Variants in PRDM5 observed in about 807,000 individuals in gnomAD.
The protein encoded by PRDM5 is PR/SET domain 5.
PRDM5 carries 56 observed loss-of-function variants against 81.2 expected under a neutral mutation model. That is an observed-to-expected ratio of 0.69 (90% CI 0.56 to 0.86). The LOEUF (loss-of-function observed/expected upper bound fraction) is 0.86. Ranked by LOEUF, PRDM5 falls within the 40% of genes least tolerant of loss-of-function variation. The pLI is 0.00. For synonymous variants in PRDM5, 267 were observed against 256.4 expected, an observed-to-expected ratio of 1.04 and a Z score of -0.39; for missense variants, 697 against 770.1, an observed-to-expected ratio of 0.91 and a Z score of 1.12.
chr4:120,791,899 A>T (rs1313153981), intron 10 of PRDM5, among the ~76,000 whole-genome samples: 2 of 152,234 alleles, frequency 1.3e-5, no homozygotes, highest in African/African-American at 2.4e-5. Flanking sequence ...TCATGTGAGG[A>T]TACAAGAAGA....
chr4:120,795,336 T>A (rs1751192251), intron 10 of PRDM5, among the ~76,000 whole-genome samples: 1 of 152,138 alleles, frequency 6.6e-6, no homozygotes, highest in Non-Finnish European at 1.5e-5. Flanking sequence ...GCATTATATA[T>A]GACAGGGAAC....
chr4:120,849,078 A>T (rs1758972475), intron 3 of PRDM5, among the ~76,000 whole-genome samples: 1 of 152,220 alleles, frequency 6.6e-6, no homozygotes, highest in Admixed American at 6.5e-5. Flanking sequence ...CATTTTGCAC[A>T]TAAGTAATAA....
rs373067693 is a variant in PRDM5, at chr4:120,870,648, T to G, written c.178-17108A>C. Among the ~76,000 whole-genome samples, 3 of 152,244 alleles carry G rather than the reference T, an allele frequency of 2.0e-5. No homozygotes were observed. In the East Asian group the frequency reaches 5.8e-4, roughly 30 times the overall value. The stretch of plus-strand genomic sequence containing the variant: ...AAGAGGAAAGGCACATGTGTGAGTG[T>G]GAATTAAACGTGAAGCTGTAAAGAG... On this transcript the variant is annotated intron_variant, in intron 2 of 15. Coordinates refer to ENST00000264808, the MANE Select transcript of PRDM5 (RefSeq NM_018699.4).
At chr4:120,711,020 T>G (rs191074063) in intron 14 of PRDM5, among the ~76,000 whole-genome samples, 1 of 152,180 alleles carries the variant, frequency 6.6e-6, no homozygotes, top group East Asian at 1.9e-4. Flanking sequence ...TGTGCTACAT[T>G]TCCTCCAATG....
In PRDM5 at chr4:120,903,519, T is replaced by G. The variant is rs188145337; in HGVS notation, c.177+3955A>C. Among the ~76,000 whole-genome samples, 74 of 152,308 alleles carry G rather than the reference T, an allele frequency of 4.9e-4. 1 individual carries two copies. The East Asian group carries it at 0.013, about 27-fold the overall frequency. ...CAATAACTCTGCAATTCTAAAAGTG[T>G]TGTTCTTGAAATGTTCCCTCTAGAA... On this transcript the variant is annotated intron_variant, in intron 2 of 15. Transcript: ENST00000264808.
chr4:120,750,539 C>G (rs1050330178), intron 14 of PRDM5, among the ~76,000 whole-genome samples: 2 of 152,138 alleles, frequency 1.3e-5, no homozygotes, highest in African/African-American at 4.8e-5. Flanking sequence ...AAGCTTACAG[C>G]AACAACAAAC....
downstream of PRDM5, among the ~76,000 whole-genome samples, chr4:120,687,717 A>C (rs1285126366): frequency 2.6e-5 from 4 of 152,146 alleles, no homozygotes; most frequent in African/African-American, 9.7e-5. Context: ...GGACTTTTAG[A>C]AGGTGATTAG....
downstream of PRDM5, among the ~76,000 whole-genome samples, chr4:120,684,665 A>C (rs76700422): frequency 0.013 from 2,006 of 152,102 alleles, 46 homozygotes; most frequent in African/African-American, 0.046. Flanking sequence ...ATGTCTGACC[A>C]ACATGATCCT....
intron 2 of PRDM5, among the ~76,000 whole-genome samples, chr4:120,894,463 A>G (rs1477529920): frequency 6.6e-6 from 1 of 152,066 alleles, no homozygotes; most frequent in Non-Finnish European, 1.5e-5. Flanking sequence ...CTTTACTTTA[A>G]TATTTCTTCT....
chr4:120,916,903 A>G (rs1287521466), intron 1 of PRDM5, among the ~76,000 whole-genome samples: 1 of 152,184 alleles, frequency 6.6e-6, no homozygotes, highest in Non-Finnish European at 1.5e-5. Flanking sequence ...ATCACCTCTC[A>G]CATGGATTAC....
At chr4:120,899,305 C>A (rs1467737225) in intron 2 of PRDM5, among the ~76,000 whole-genome samples, 3 of 152,170 alleles carry the variant, frequency 2.0e-5, no homozygotes, top group African/African-American at 7.2e-5. Flanking sequence ...CTGTCTCTCT[C>A]CAGTGCTCTC....
intron 6 of PRDM5, 71 bp downstream of exon 6, chr4:120,816,761 A>G (rs1754570321): frequency 6.6e-7 from 1 of 1,508,526 alleles, no homozygotes; most frequent in South Asian, 1.1e-5. Flanking sequence ...ATTACTAAGA[A>G]GCATGAAAGT....
chr4:120,742,415 C>G (rs1742176403), intron 14 of PRDM5, among the ~76,000 whole-genome samples: 1 of 152,206 alleles, frequency 6.6e-6, no homozygotes, highest in Non-Finnish European at 1.5e-5. Flanking sequence ...AGCAATGGAA[C>G]AAAGCTGGAC....
At chr4:120,849,308 C>T (rs1297886136) in intron 3 of PRDM5, among the ~76,000 whole-genome samples, 2 of 152,054 alleles carry the variant, frequency 1.3e-5, no homozygotes, top group African/African-American at 2.4e-5. Context: ...CAGAGAAGAC[C>T]CCAGGATAAA....
At chr4:120,785,233 C>G (rs147089779) in intron 10 of PRDM5, 142 bp from the exon 11 acceptor site, 1 of 668,626 alleles carries the variant, frequency 1.5e-6, no homozygotes, top group East Asian at 2.8e-5. Flanking sequence ...ATTCTTCCAC[C>G]GTAAAATTGT....
intron 2 of PRDM5, among the ~76,000 whole-genome samples, chr4:120,862,571 CA>C (rs1222445679): frequency 6.6e-6 from 1 of 152,126 alleles, no homozygotes; most frequent in Non-Finnish European, 1.5e-5. Context: ...CTGAGACTGC[CA>C]AAAAGTCCTG....
At chr4:120,790,934 C>T (rs565744554) in intron 10 of PRDM5, among the ~76,000 whole-genome samples, 2 of 151,856 alleles carry the variant, frequency 1.3e-5, no homozygotes, top group South Asian at 4.2e-4. Context: ...TAGAGCAAGA[C>T]CTTGTCAAAA....
In PRDM5 at chr4:120,804,453, A is replaced by G. The variant is rs537570745; in HGVS notation, c.946-4708T>C. 1.3e-3 allele frequency among the ~76,000 whole-genome samples: 196 copies of G among 152,358 alleles called. 1 individual carries two copies. The highest frequency in any genetic ancestry group is 4.6e-3 in the African/African-American group (190 of 41,588). On this transcript the variant is annotated intron_variant, in intron 8 of 15. Coordinates refer to ENST00000264808, the MANE Select transcript of PRDM5 (RefSeq NM_018699.4). ...AAAATTGACCACATAGTTGGAAGTAAAGCACTCCTCAGCAAATGTAAAAGA... is the reference window on the plus strand; with the variant it reads ...AAAATTGACCACATAGTTGGAAGTAGAGCACTCCTCAGCAAATGTAAAAGA...
chr4:120,689,046 G>T (rs1386167721), downstream of PRDM5, among the ~76,000 whole-genome samples: 1 of 152,090 alleles, frequency 6.6e-6, no homozygotes, highest in Non-Finnish European at 1.5e-5. Flanking sequence ...TAAACAACAA[G>T]TCATCTGCCC....
Sources: allele counts gnomAD v4.1 joint callset (sites outside exome capture counted in the v4.1 genomes callset), GRCh38; gene constraint gnomAD v4.1.1; transcripts MANE v1.5; gene names NCBI Gene and HGNC (gene_info 2026-07-23, HGNC 2026-07-21).